The following UNKL variants were observed in gnomAD, a reference collection of about 807,000 sequenced individuals.
The protein encoded by UNKL is unk like zinc finger, also known as putative E3 ubiquitin-protein ligase UNKL.
UNKL carries 60 observed loss-of-function variants against 78.0 expected under a neutral mutation model. The observed-to-expected ratio is 0.77, with a 90% CI of 0.63 to 0.95. The LOEUF (loss-of-function observed/expected upper bound fraction) is 0.95. Ranked by LOEUF, UNKL falls within the 40% of genes least tolerant of loss-of-function variation. The pLI is 0.00. For missense variants in UNKL, 1,159 were observed against 1,045.7 expected, an observed-to-expected ratio of 1.11 and a Z score of -1.49; for synonymous variants, 608 against 474.8, an observed-to-expected ratio of 1.28 and a Z score of -3.65.
At chr16:1,366,571 G>C (rs890992805) in intron 14 of UNKL, among the ~76,000 whole-genome samples, 176 bp from the exon 15 acceptor site, 1 of 152,016 alleles carries the variant, frequency 6.6e-6, no homozygotes, top group Admixed American at 6.5e-5. Flanking sequence ...GGCAGCTGCG[G>C]GGTCAGGGGG....
At chr16:1,378,240 C>T (rs2036375057) in intron 10 of UNKL, among the ~76,000 whole-genome samples, 1 of 152,206 alleles carries the variant, frequency 6.6e-6, no homozygotes, top group Non-Finnish European at 1.5e-5. Context: ...CCCCCCAACC[C>T]GCAGGCCTGC....
At chr16:1,396,069 G>A (rs2037246935) in intron 6 of UNKL, among the ~76,000 whole-genome samples, 1 of 150,222 alleles carries the variant, frequency 6.7e-6, no homozygotes. Context: ...CAGCCTCCAA[G>A]TAGCTGAGAC....
intron 5 of UNKL, chr16:1,398,825 C>G (rs2037388887): frequency 6.4e-7 from 1 of 1,557,902 alleles, no homozygotes; most frequent in African/African-American, 1.4e-5. Context: ...AAGCCAGACC[C>G]AGGGGACAGC....
Position 1,397,237 on chromosome 16 carries a change from C to A in UNKL, c.793G>T (p.Asp265Tyr), listed in dbSNP as rs548556096. 1 of 1,544,016 alleles carries A rather than the reference C, an allele frequency of 6.5e-7. No homozygotes were observed. The highest frequency in any genetic ancestry group is 8.7e-7 in the Non-Finnish European group (1 of 1,146,928). ...GDEWGEPSRC[D>Y]GGDGCQYCHS... ...CAATACTGGCAGCCGTCGCCGCCAT[C>A]GCAGCGTGAGGGTTCCCCCCACTCA... Residue 265 changes from aspartate to tyrosine, a missense_variant, in exon 6 of 15, where the codon GAT becomes TAT. By Grantham distance (160) the Asp-to-Tyr change is radical. Coordinates refer to ENST00000389221, the MANE Select transcript of UNKL (RefSeq NM_001372107.1).
rs950867898 is a variant in UNKL, at chr16:1,410,547, C to T, written c.287+3299G>A. 2.6e-5 allele frequency among the ~76,000 whole-genome samples: 4 copies of T among 152,150 alleles called. No homozygotes were observed. In the East Asian group the frequency reaches 5.8e-4, roughly 22 times the overall value. On this transcript the variant is annotated intron_variant, in intron 2 of 14. Transcript: ENST00000389221. ...GCTTGAACCCGGGAGGTAGAGGTTG[C>T]GGTGAGCCGAGATCACGCCACTGCA...
At chr16:1,372,462 C>T (rs966968667) in intron 10 of UNKL, among the ~76,000 whole-genome samples, 1 of 152,056 alleles carries the variant, frequency 6.6e-6, no homozygotes, top group Non-Finnish European at 1.5e-5. Context: ...CCCTGCAGGC[C>T]GTGGGGCTGC....
intron 9 of UNKL, among the ~76,000 whole-genome samples, chr16:1,386,420 G>C (rs1230323372): frequency 6.6e-6 from 1 of 152,108 alleles, no homozygotes; most frequent in Non-Finnish European, 1.5e-5. Flanking sequence ...CGGGCGTGGT[G>C]GTGGGCGCCT....
intron 10 of UNKL, among the ~76,000 whole-genome samples, chr16:1,372,023 G>A (rs534018541): frequency 5.6e-4 from 85 of 152,230 alleles, no homozygotes; most frequent in African/African-American, 1.9e-3. Flanking sequence ...TTGGGAGGCC[G>A]AGGTGGGCAG....
At chr16:1,394,772 C>A (rs2037188552) in intron 6 of UNKL, among the ~76,000 whole-genome samples, 1 of 152,200 alleles carries the variant, frequency 6.6e-6, no homozygotes, top group Non-Finnish European at 1.5e-5. Context: ...GTGCCCACAC[C>A]TGCCTGGGTC....
Position 1,402,689 on chromosome 16 carries a change from A to G in UNKL, c.464+479T>C, listed in dbSNP as rs115652861. Among the ~76,000 whole-genome samples, 1,047 of 146,626 alleles carry G rather than the reference A, an allele frequency of 7.1e-3. 5 individuals carry two copies. Among genetic ancestry groups the G allele is most frequent in the African/African-American group, 0.024 (956 of 39,348 alleles). On this transcript the variant is annotated intron_variant, in intron 3 of 14. Coordinates refer to ENST00000389221, the MANE Select transcript of UNKL (RefSeq NM_001372107.1). ...AAAAACAAAAAAAGAAAAGAAAAGA[A>G]AGAAATAACATCCAGAGGCCAGGCG...
rs1362634722 is a variant in UNKL, at chr16:1,390,658, T to C, written c.1060A>G (p.Arg354Gly). Reference sequence around the variant, plus strand: ...TGCTTGCTGTCTTGCTCGCTGCCCCTAGGGCCACCCTCGGCCGGCGAGTCT... The same window carrying C: ...TGCTTGCTGTCTTGCTCGCTGCCCCCAGGGCCACCCTCGGCCGGCGAGTCT... ...RRDSPAEGGP[R>G]GSEQDSKQNH... The change falls in exon 9 of 15, where the codon AGG becomes GGG. Residue 354 changes from arginine (R) to glycine (G), a missense_variant. By Grantham distance (125) the Arg-to-Gly change is moderately radical. Transcript: ENST00000389221. The C allele has an allele frequency of 1.3e-6, 2 of 1,535,992 alleles. No homozygotes were observed. The highest frequency in any genetic ancestry group is 1.4e-5 in the African/African-American group (1 of 73,150).
intron 2 of UNKL, chr16:1,412,052 T>TC (rs1259458064): frequency 6.6e-6 from 1 of 152,014 alleles, no homozygotes; most frequent in Non-Finnish European, 1.5e-5. Flanking sequence ...GATGAAGACT[T>TC]CAAGACCGCA....
intron 2 of UNKL, chr16:1,408,380 G>C (rs1609562): frequency 0.85 from 129,968 of 152,836 alleles, 55,713 homozygotes; most frequent in East Asian, 1. Context: ...GGCCTTTCCC[G>C]AGCGGGGCGG....
chr16:1,399,423 AGTGTGGGCAC>A lies in UNKL; in HGVS notation c.675_684del (p.Cys226ThrfsTer24). On this transcript the variant is annotated frameshift_variant, in exon 5 of 15. Transcript: ENST00000389221. LOFTEE classifies it high-confidence loss of function. The surrounding 1 kb of genome is among the most constrained non-coding windows in gnomAD (Gnocchi z 5.8). ...CGCCGCCTGTCCCGGCTATTGTGGT[AGTGTGGGCAC>A]GCATAGCCCTGGCGGCACAGGCGTG... The A allele has an allele frequency of 6.2e-7, 1 of 1,606,510 alleles. No individual in the cohort carries two copies. Among genetic ancestry groups the A allele is most frequent in the Non-Finnish European group, 8.5e-7 (1 of 1,177,028 alleles).
chr16:1,367,565 T>G, intron 13 of UNKL, 91 bp downstream of exon 13: 1 of 237,864 alleles, frequency 4.2e-6, no homozygotes, highest in Non-Finnish European at 7.4e-6. Context: ...CGGCCCTCCC[T>G]CCCTCCCCTC....
Position 1,363,629 on chromosome 16 carries a change from A to G in UNKL, c.*2611T>C, listed in dbSNP as rs1351471709. The G allele has an allele frequency of 1.0e-5, 2 of 194,636 alleles. No individual in the cohort carries two copies. The highest frequency in any genetic ancestry group is 4.8e-5 in the African/African-American group (2 of 41,970). The allele number at this position is 194,636 out of a possible 1,614,324, so 12.1% of individuals were successfully genotyped here. A position where few individuals can be genotyped will look rare whatever the true frequency, so the allele number is the denominator to read the frequency against. On this transcript the variant is annotated 3_prime_UTR_variant, in exon 15 of 15. Transcript: ENST00000389221. The stretch of plus-strand genomic sequence containing the variant: ...GGGGGGAGCTGCTGGGCGCGCCTCC[A>G]CCTCAGCCTCCACGGGGCACCTTCC...
Position 1,370,354 on chromosome 16 carries a change from G to A in UNKL, c.1361C>T (p.Pro454Leu), listed in dbSNP as rs1209301623. 25 of 1,532,684 alleles carry A rather than the reference G, an allele frequency of 1.6e-5. No homozygotes were observed. The highest frequency in any genetic ancestry group is 4.8e-5 in the South Asian group (4 of 83,874). 94.9% of individuals were successfully genotyped at this position (1,532,684 alleles called of 1,614,324 possible). The change falls in exon 12 of 15, where the codon CCC becomes CTC. Residue 454 changes from proline to leucine, a missense_variant. Coordinates refer to ENST00000389221, the MANE Select transcript of UNKL (RefSeq NM_001372107.1). ...QDGHDLGAAGPRSLAGSAPVA... is the reference protein window; with the variant it reads ...QDGHDLGAAGLRSLAGSAPVA... ...AGGTGCAGAGCCGGCCAGCGACCTGGGACCTGGCGGGGGCGGACCAGTCAG... is the reference window on the plus strand; with the variant it reads ...AGGTGCAGAGCCGGCCAGCGACCTGAGACCTGGCGGGGGCGGACCAGTCAG...
At chr16:1,390,833 C>G (rs2037016745) in intron 8 of UNKL, 139 bp from the exon 9 acceptor site, 2 of 839,282 alleles carry the variant, frequency 2.4e-6, no homozygotes, top group Non-Finnish European at 1.8e-6. Context: ...AGTTCGAGAC[C>G]AGCCTGGCCA....
chr16:1,369,311 G>A (rs546338757), intron 12 of UNKL, among the ~76,000 whole-genome samples: 84 of 149,672 alleles, frequency 5.6e-4, no homozygotes, highest in African/African-American at 1.8e-3. Context: ...GTCGTGATCC[G>A]CCCACCTCGG....
Sources: allele counts gnomAD v4.1 joint callset (sites outside exome capture counted in the v4.1 genomes callset), GRCh38; gene constraint gnomAD v4.1.1; non-coding constraint Gnocchi (gnomAD v3.1); transcripts MANE v1.5; gene names NCBI Gene and HGNC (gene_info 2026-07-23, HGNC 2026-07-21).